Variants in ASTN2 observed in about 807,000 individuals in gnomAD.
The protein encoded by ASTN2 is astrotactin-2.
In ASTN2, 54 loss-of-function variants were observed where a neutral mutation model predicts 139.8. That is an observed-to-expected ratio of 0.39 (90% CI 0.31 to 0.48). The LOEUF (loss-of-function observed/expected upper bound fraction) is 0.48. Among genes scored for constraint, ASTN2 ranks in the 20% least tolerant of loss-of-function variants. The probability of loss-of-function intolerance (pLI) is 0.95; values close to 1 mark genes in which losing one functional copy is unlikely to be tolerated. For missense variants in ASTN2, 1,565 were observed against 1,725.1 expected, an observed-to-expected ratio of 0.91 and a Z score of 1.64; for synonymous variants, 756 against 719.5, an observed-to-expected ratio of 1.05 and a Z score of -0.81.
chr9:116,925,871 C>CACAT (rs1208125115), intron 10 of ASTN2, among the ~76,000 whole-genome samples: 3 of 150,680 alleles, frequency 2.0e-5, no homozygotes, highest in Admixed American at 6.6e-5. Flanking sequence ...AACACACACA[C>CACAT]ACACACACAC....
At chr9:117,395,607 C>A (rs1830656123) in intron 1 of ASTN2, among the ~76,000 whole-genome samples, 1 of 152,186 alleles carries the variant, frequency 6.6e-6, no homozygotes, top group Non-Finnish European at 1.5e-5. Context: ...AGTAGCCTCA[C>A]TCCCTTGACG....
chr9:117,353,913 A>C (rs1829462402), intron 1 of ASTN2, among the ~76,000 whole-genome samples: 1 of 152,324 alleles, frequency 6.6e-6, no homozygotes, highest in Non-Finnish European at 1.5e-5. Context: ...GGAAGGATGA[A>C]TAGGCAGAGC....
rs1847258704 is a variant in ASTN2, at chr9:116,424,693, T to C, written c.*1158A>G. Among the ~76,000 whole-genome samples the C allele has an allele frequency of 1.3e-5, 2 of 151,694 alleles. No homozygotes were observed. Among genetic ancestry groups the C allele is most frequent in the Non-Finnish European group, 2.9e-5 (2 of 67,972 alleles). On this transcript the variant is annotated 3_prime_UTR_variant, in exon 23 of 23. Coordinates refer to ENST00000313400, the MANE Select transcript of ASTN2 (RefSeq NM_001365068.1). ...CCCAGGTTCAAGCAATTCTCATGCC[T>C]CAGCCTCCCAAGTAGCTGGGATTGA...
intron 5 of ASTN2, among the ~76,000 whole-genome samples, chr9:117,052,557 C>T (rs1306008207): frequency 6.6e-6 from 1 of 151,820 alleles, no homozygotes; most frequent in Non-Finnish European, 1.5e-5. Context: ...AAGACCAATA[C>T]ATATAAATTC....
chr9:116,609,312 C>G (rs1855386701), intron 19 of ASTN2, among the ~76,000 whole-genome samples: 1 of 119,440 alleles, frequency 8.4e-6, no homozygotes, highest in African/African-American at 4.0e-5. Flanking sequence ...CTCTCTCTCT[C>G]TCTCTCTCTC....
chr9:117,126,217 A>G (rs1829686009), intron 4 of ASTN2, among the ~76,000 whole-genome samples: 1 of 152,186 alleles, frequency 6.6e-6, no homozygotes, highest in Non-Finnish European at 1.5e-5. Context: ...GTTTCAGTCT[A>G]AGCTCTGAGG....
At chr9:116,463,183 T>TA (rs1848544836) in intron 20 of ASTN2, among the ~76,000 whole-genome samples, 2 of 152,156 alleles carry the variant, frequency 1.3e-5, no homozygotes, top group East Asian at 1.9e-4. Context: ...CTGCAACCAT[T>TA]TCTCACCCGG....
intron 4 of ASTN2, among the ~76,000 whole-genome samples, chr9:117,120,014 G>GTATATATATATA (rs1470198393): frequency 5.7e-5 from 2 of 35,324 alleles, no homozygotes; most frequent in East Asian, 8.5e-4. Flanking sequence ...GTGTGTGTGT[G>GTATATATATATA]TGTGTATATA....
chr9:117,061,371 A>G (rs1482730163), intron 5 of ASTN2, among the ~76,000 whole-genome samples: 2 of 152,204 alleles, frequency 1.3e-5, no homozygotes, highest in South Asian at 2.1e-4. Flanking sequence ...AGTGCTTTGC[A>G]CAGTGCCTAT....
intron 16 of ASTN2, among the ~76,000 whole-genome samples, chr9:116,706,890 T>G (rs1287316651): frequency 6.6e-6 from 1 of 151,798 alleles, no homozygotes; most frequent in East Asian, 1.9e-4. Flanking sequence ...TTGGAATTTT[T>G]GATAATTGGC....
intron 19 of ASTN2, among the ~76,000 whole-genome samples, chr9:116,572,886 A>C (rs1853576794): frequency 6.6e-6 from 1 of 152,126 alleles, no homozygotes; most frequent in Admixed American, 6.5e-5. Context: ...GTGAGAAGAA[A>C]GGGAATAGTT....
rs886043897 is a variant in ASTN2 at position 116,699,129 on chromosome 9, G to C, written c.2806+26642C>G. The C allele has an allele frequency of 3.7e-6, 6 of 1,614,200 alleles. No homozygotes were observed. Among genetic ancestry groups the C allele is most frequent in the Non-Finnish European group, 5.1e-6 (6 of 1,180,024 alleles). On this transcript the variant is annotated intron_variant, in intron 16 of 22. Transcript: ENST00000313400. This position sits in a 1 kb window ranked among gnomAD's most constrained non-coding sequence, Gnocchi z 4.2. The stretch of plus-strand genomic sequence containing the variant: ...ATATACCTTGGATGGCCACTGCGTG[G>C]CCTGTCACAGGAGCCAGCTGAGCAA...
chr9:116,547,508 T>G (rs1852149883), intron 19 of ASTN2: 1 of 152,174 alleles, frequency 6.6e-6, no homozygotes, highest in Non-Finnish European at 1.5e-5. Context: ...CTGAATTGAG[T>G]TTGATTCTGA....
chr9:116,976,797 A>T lies in ASTN2; in HGVS notation c.1592-12T>A, dbSNP rs756583128. On this transcript the variant is annotated splice_polypyrimidine_tract_variant and intron_variant, in intron 7 of 22. Coordinates refer to ENST00000313400, the MANE Select transcript of ASTN2 (RefSeq NM_001365068.1). ...ACAGCTGCACTCTCCTGTAAGTGAAAAGAAAAAAGATTATTGTTAAGTAGA... is the reference window on the plus strand; with the variant it reads ...ACAGCTGCACTCTCCTGTAAGTGAATAGAAAAAAGATTATTGTTAAGTAGA... 5 of 1,612,718 alleles carry T rather than the reference A, an allele frequency of 3.1e-6. No individual in the cohort carries two copies. Among genetic ancestry groups the T allele is most frequent in the Non-Finnish European group, 4.2e-6 (5 of 1,178,886 alleles).
intron 10 of ASTN2, among the ~76,000 whole-genome samples, chr9:116,955,397 T>C (rs931217032): frequency 9.9e-5 from 15 of 152,196 alleles, no homozygotes; most frequent in African/African-American, 3.6e-4. Context: ...GCTTTTGAAT[T>C]TGAGAGCAGA....
intron 19 of ASTN2, among the ~76,000 whole-genome samples, chr9:116,573,916 C>T (rs1853623285): frequency 6.6e-6 from 1 of 152,102 alleles, no homozygotes; most frequent in African/African-American, 2.4e-5. Flanking sequence ...ATACGTTGTA[C>T]TTAGAATTGT....
At chr9:116,659,094 T>A (rs566876086) in intron 16 of ASTN2, among the ~76,000 whole-genome samples, 11 of 152,288 alleles carry the variant, frequency 7.2e-5, no homozygotes, top group African/African-American at 2.4e-4. Context: ...TTGAGCATAC[T>A]TGTTTTCACA....
Position 117,113,090 on chromosome 9 carries a change from G to C in ASTN2, c.1169-16939C>G, listed in dbSNP as rs150869703. Among the ~76,000 whole-genome samples the C allele has an allele frequency of 4.2e-3, 634 of 152,280 alleles. 4 individuals are homozygous for C. Among genetic ancestry groups the C allele is most frequent in the Non-Finnish European group, 6.7e-3 (459 of 68,034 alleles). On this transcript the variant is annotated intron_variant, in intron 4 of 22. Coordinates refer to ENST00000313400, the MANE Select transcript of ASTN2 (RefSeq NM_001365068.1). ...AATTTTAAAAAGATCAGTCTTACCA[G>C]TCTTGACAAGGTTTTGAAGCAAGTG...
intron 5 of ASTN2, among the ~76,000 whole-genome samples, chr9:117,069,715 T>G (rs1365429207): frequency 4.7e-5 from 2 of 42,192 alleles, no homozygotes; most frequent in Non-Finnish European, 9.6e-5. Context: ...CATATATATT[T>G]AGGATAGTTA....
Sources: allele counts gnomAD v4.1 joint callset (sites outside exome capture counted in the v4.1 genomes callset), GRCh38; gene constraint gnomAD v4.1.1; non-coding constraint Gnocchi (gnomAD v3.1); transcripts MANE v1.5; gene names NCBI Gene and HGNC (gene_info 2026-07-23, HGNC 2026-07-21).